Variants in SHISA9 observed in about 807,000 individuals in gnomAD.
The protein encoded by SHISA9 is protein shisa-9.
Under a neutral mutation model 38.0 loss-of-function variants are expected in SHISA9, and 13 were observed. The ratio of observed to expected loss-of-function variants is 0.34; its 90% CI spans 0.22 to 0.54. SHISA9 has a LOEUF of 0.54. Ranked by LOEUF, SHISA9 falls within the 20% of genes least tolerant of loss-of-function variation. The pLI is 0.91. For missense variants in SHISA9, 538 were observed against 575.8 expected, an observed-to-expected ratio of 0.93 and a Z score of 0.67; for synonymous variants, 275 against 242.0, an observed-to-expected ratio of 1.14 and a Z score of -1.27.
chr16:13,327,263 A>G, the SHISA9 span, among the ~76,000 whole-genome samples: 1 of 152,120 alleles, frequency 6.6e-6, no homozygotes, highest in Non-Finnish European at 1.5e-5. Context: ...ATGACCTGGC[A>G]TGAGTTGGGT....
the SHISA9 span, among the ~76,000 whole-genome samples, chr16:13,296,891 C>CAAAAAAAAAAAAAA: frequency 3.8e-5 from 1 of 26,588 alleles, no homozygotes; most frequent in African/African-American, 1.5e-4. Flanking sequence ...AACTCCATCT[C>CAAAAAAAAAAAAAA]AAAAAAAAAA....
the SHISA9 span, among the ~76,000 whole-genome samples, chr16:13,512,295 T>C: frequency 3.5e-4 from 54 of 152,150 alleles, 2 homozygotes; most frequent in South Asian, 0.01. Flanking sequence ...GGAACACAGC[T>C]AACAAGGGAC....
rs961536288 is a variant in SHISA9, at chr16:13,238,815, T to A, written c.*3406T>A. The A allele has an allele frequency of 3.7e-5, 5 of 136,150 alleles. No individual in the cohort carries two copies. Among genetic ancestry groups the A allele is most frequent in the South Asian group, 2.5e-4 (1 of 3,974 alleles). The allele number at this position is 136,150 out of a possible 1,614,324, so 8.4% of individuals were successfully genotyped here. A position where few individuals can be genotyped will look rare whatever the true frequency, so the allele number is the denominator to read the frequency against. ...TTTTTTTTAATGTATCCATGGAGTA[T>A]TTATTATTATTATTATTATTATTAT... On this transcript the variant is annotated 3_prime_UTR_variant, in exon 5 of 5. Transcript: ENST00000558583.
intron 2 of SHISA9, among the ~76,000 whole-genome samples, chr16:13,078,649 G>T (rs1025042856): frequency 3.3e-5 from 5 of 152,056 alleles, no homozygotes; most frequent in Non-Finnish European, 7.4e-5. Flanking sequence ...CATGTGACCC[G>T]CCCACCTTGG....
At chr16:13,333,860 C>T in the SHISA9 span, among the ~76,000 whole-genome samples, 2 of 152,174 alleles carry the variant, frequency 1.3e-5, no homozygotes, top group African/African-American at 4.8e-5. Context: ...TATGCTTTCT[C>T]ATTAAAACTT....
chr16:13,046,692 T>C (rs1013226016), intron 2 of SHISA9, among the ~76,000 whole-genome samples: 2 of 152,198 alleles, frequency 1.3e-5, no homozygotes, highest in Non-Finnish European at 2.9e-5. Context: ...CCCTGTATGA[T>C]TGGGCTCTGG....
At chr16:13,383,806 T>C in the SHISA9 span, among the ~76,000 whole-genome samples, 1 of 152,108 alleles carries the variant, frequency 6.6e-6, no homozygotes, top group African/African-American at 2.4e-5. Flanking sequence ...CGAGCCACTA[T>C]GCCTGGCTGA....
chr16:13,430,468 GT>G, the SHISA9 span, among the ~76,000 whole-genome samples: 1 of 152,212 alleles, frequency 6.6e-6, no homozygotes, highest in Non-Finnish European at 1.5e-5. Context: ...ACTGTAACAA[GT>G]CCTAGTATCC....
the SHISA9 span, among the ~76,000 whole-genome samples, chr16:13,378,833 C>T: frequency 5.2e-4 from 79 of 152,268 alleles, no homozygotes; most frequent in African/African-American, 5.3e-4. Flanking sequence ...ATTCTAATTA[C>T]CTAGTTTGGG....
chr16:13,028,334 T>G (rs973477766), intron 2 of SHISA9, among the ~76,000 whole-genome samples: 1 of 152,212 alleles, frequency 6.6e-6, no homozygotes. Context: ...TGCATTAGTC[T>G]GTTTTCATGC....
chr16:13,124,173 A>G (rs183034993), intron 2 of SHISA9, among the ~76,000 whole-genome samples: 169 of 152,306 alleles, frequency 1.1e-3, no homozygotes, highest in Non-Finnish European at 1.8e-3. Context: ...CCCACTGTGC[A>G]GTCAATTTAC....
chr16:13,046,979 C>T (rs549947489), intron 2 of SHISA9, among the ~76,000 whole-genome samples: 1 of 152,256 alleles, frequency 6.6e-6, no homozygotes, highest in Non-Finnish European at 1.5e-5. Flanking sequence ...CATGCTGTTC[C>T]ACTCAGTGCT....
intron 1 of SHISA9, among the ~76,000 whole-genome samples, chr16:12,913,267 G>C (rs1393897132): frequency 1.3e-5 from 2 of 152,126 alleles, no homozygotes; most frequent in Non-Finnish European, 2.9e-5. Context: ...TGTGATCTCA[G>C]CTCACTGCAA....
At chr16:13,528,994 A>G in the SHISA9 span, among the ~76,000 whole-genome samples, 19,304 of 152,138 alleles carry the variant, frequency 0.13, 1,558 homozygotes, top group Non-Finnish European at 0.19. Context: ...ATAAAATCCT[A>G]AGCTTCCCAG....
At chr16:13,217,115 C>G (rs637707) in intron 4 of SHISA9, among the ~76,000 whole-genome samples, 49,946 of 145,508 alleles carry the variant, frequency 0.34, 8,757 homozygotes, top group East Asian at 0.46. Flanking sequence ...ACTAAAAATA[C>G]AAAAAAAAAA....
chr16:13,344,476 G>C, the SHISA9 span, among the ~76,000 whole-genome samples: 1 of 137,854 alleles, frequency 7.3e-6, no homozygotes, highest in Non-Finnish European at 1.6e-5. Context: ...TATTTCTGAG[G>C]GTTCTCTAAA....
chr16:13,383,668 T>G, the SHISA9 span, among the ~76,000 whole-genome samples: 1 of 152,094 alleles, frequency 6.6e-6, no homozygotes, highest in South Asian at 2.1e-4. Context: ...TTATTTATTT[T>G]GAGACAGAGT....
At chr16:13,346,210 T>C in the SHISA9 span, among the ~76,000 whole-genome samples, 2 of 152,150 alleles carry the variant, frequency 1.3e-5, no homozygotes, top group Non-Finnish European at 2.9e-5. Flanking sequence ...TGAGAACATA[T>C]GGTATTTGAC....
the SHISA9 span, among the ~76,000 whole-genome samples, chr16:13,333,119 C>T: frequency 1.1e-4 from 16 of 152,328 alleles, no homozygotes; most frequent in African/African-American, 2.9e-4. Flanking sequence ...CTCTCCAGGG[C>T]AGCTTTTGCA....
Sources: allele counts gnomAD v4.1 joint callset (sites outside exome capture counted in the v4.1 genomes callset), GRCh38; gene constraint gnomAD v4.1.1; transcripts MANE v1.5; gene names NCBI Gene and HGNC (gene_info 2026-07-23, HGNC 2026-07-21).